Variants in ITGB3 observed in about 807,000 individuals in gnomAD.
The protein encoded by ITGB3 is integrin beta-3.
In ITGB3, 48 loss-of-function variants were observed where a neutral mutation model predicts 85.8. That is an observed-to-expected ratio of 0.56 (90% CI 0.44 to 0.71). The LOEUF is 0.71. ITGB3 is among the 30% of genes least tolerant of loss of function. The pLI, the probability that ITGB3 is intolerant of heterozygous loss-of-function variation, is 0.00. For synonymous variants in ITGB3, 363 were observed against 395.6 expected, an observed-to-expected ratio of 0.92 and a Z score of 0.98; for missense variants, 861 against 1,019.1, an observed-to-expected ratio of 0.84 and a Z score of 2.11.
At chr17:47,288,495 A>G (rs975507365) in intron 6 of ITGB3, among the ~76,000 whole-genome samples, 3 of 152,056 alleles carry the variant, frequency 2.0e-5, no homozygotes, top group African/African-American at 7.2e-5. Context: ...GCAGGTGTGA[A>G]CTCTTCGTCT....
chr17:47,280,107 A>G (rs927376125), intron 2 of ITGB3: 1 of 152,390 alleles, frequency 6.6e-6, no homozygotes, highest in Admixed American at 6.5e-5. Flanking sequence ...GTTAAGTCTT[A>G]TTCATTGATT....
chr17:47,283,983 C>T (rs191071888), intron 3 of ITGB3, among the ~76,000 whole-genome samples: 224 of 152,188 alleles, frequency 1.5e-3, no homozygotes, highest in African/African-American at 5.0e-3. Flanking sequence ...GTACACAAGA[C>T]CTTTAGAGGG....
chr17:47,300,344 CGCGT>C (rs1555573418), intron 11 of ITGB3, 130 bp from the exon 12 acceptor site: 30 of 689,972 alleles, frequency 4.3e-5, no homozygotes, highest in Admixed American at 6.2e-5. Flanking sequence ...GGCGCGCGCG[CGCGT>C]GTGTGTGTGT....
intron 10 of ITGB3, among the ~76,000 whole-genome samples, chr17:47,297,105 T>A (rs2065148654): frequency 6.6e-6 from 1 of 152,218 alleles, no homozygotes; most frequent in South Asian, 2.1e-4. Context: ...TAAAACTGGC[T>A]CCATCTTCTG....
chr17:47,290,062 A>G, intron 7 of ITGB3, 123 bp from the exon 8 acceptor site: 3 of 845,460 alleles, frequency 3.5e-6, no homozygotes, highest in Middle Eastern at 2.3e-4. Flanking sequence ...GGCAGTGACA[A>G]TTGAAATATC....
intron 1 of ITGB3, among the ~76,000 whole-genome samples, chr17:47,268,500 A>C (rs1026102488): frequency 1.1e-4 from 17 of 152,214 alleles, no homozygotes; most frequent in African/African-American, 4.1e-4. Context: ...AAATTGGCCA[A>C]AACAAACAGG....
intron 1 of ITGB3, among the ~76,000 whole-genome samples, chr17:47,254,229 G>C (rs955810910): frequency 2.6e-5 from 4 of 152,018 alleles, no homozygotes; most frequent in South Asian, 2.1e-4. Context: ...TGCGGTGGGC[G>C]CATCTCTGAG....
intron 13 of ITGB3, among the ~76,000 whole-genome samples, chr17:47,306,926 C>T (rs1193987471): frequency 8.5e-5 from 13 of 152,182 alleles, no homozygotes; most frequent in African/African-American, 3.1e-4. Flanking sequence ...GTGCTCTGCC[C>T]ACCTTGGCCT....
chr17:47,290,851 C>T, intron 8 of ITGB3, 103 bp from the exon 9 acceptor site: 2 of 1,379,688 alleles, frequency 1.4e-6, no homozygotes, highest in Non-Finnish European at 1.0e-6. Flanking sequence ...TGGGGTGAGT[C>T]CAGAGCTACT....
Position 47,300,342 on chromosome 17 carries a change from C to CGT in ITGB3, c.1914-135_1914-134insTG, listed in dbSNP as rs748298784. 9.4e-4 allele frequency: 652 copies of CGT among 696,848 alleles called. No homozygotes were observed. The African/African-American group carries it at 0.012, about 12-fold the overall frequency. The allele number at this position is 696,848 out of a possible 1,614,324, so 43.2% of individuals were successfully genotyped here. Reference sequence around the variant, plus strand: ...CCCAGGATTGTCTTACAGGCGCGCGCGCGCGTGTGTGTGTGTGTGTGTGTG... The same window carrying CGT: ...CCCAGGATTGTCTTACAGGCGCGCGCGTGCGCGTGTGTGTGTGTGTGTGTGTG... On this transcript the variant is annotated intron_variant, in intron 11 of 14. Transcript: ENST00000559488.
In ITGB3 at chr17:47,300,564, C is replaced by CA. The variant is rs1348401845; in HGVS notation, c.2001dup (p.Val668SerfsTer5). The CA allele has an allele frequency of 1.2e-6, 2 of 1,613,660 alleles. No individual in the cohort carries two copies. The highest frequency in any genetic ancestry group is 3.3e-5 in the Admixed American group (2 of 60,012). Reference sequence around the variant, plus strand: ...CGTTACTGCCGTGACGAGATTGAGTCAGTGAAAGAGCTTAGTAAGTTCAGC... The same window carrying CA: ...CGTTACTGCCGTGACGAGATTGAGTCAAGTGAAAGAGCTTAGTAAGTTCAGC... On this transcript the variant is annotated frameshift_variant, in exon 12 of 15. Coordinates refer to ENST00000559488, the MANE Select transcript of ITGB3 (RefSeq NM_000212.3). LOFTEE classifies it high-confidence loss of function.
At position 47,253,959 on chromosome 17, in the gene ITGB3, C is replaced by G; in HGVS notation, c.79+19C>G. 7.2e-7 allele frequency: 1 copy of G among 1,391,502 alleles called. No individual in the cohort carries two copies. The allele number at this position is 1,391,502 out of a possible 1,614,324, so 86.2% of individuals were successfully genotyped here. Reference sequence around the variant, plus strand: ...GTAGGAGGTGAGTGAGGCTCCGGCTCGGCAGCGTCGCAGCTGCCCCAGGAT... The same window carrying G: ...GTAGGAGGTGAGTGAGGCTCCGGCTGGGCAGCGTCGCAGCTGCCCCAGGAT... On this transcript the variant is annotated intron_variant, in intron 1 of 14. Transcript: ENST00000559488.
chr17:47,256,186 T>C, intron 1 of ITGB3, among the ~76,000 whole-genome samples: 1 of 152,076 alleles, frequency 6.6e-6, no homozygotes, highest in Non-Finnish European at 1.5e-5. Context: ...AGATATCTGG[T>C]CAGGCACGGT....
chr17:47,297,575 G>T (rs1015080523), intron 10 of ITGB3, among the ~76,000 whole-genome samples: 1 of 152,036 alleles, frequency 6.6e-6, no homozygotes, highest in African/African-American at 2.4e-5. Flanking sequence ...AGAATCGCTT[G>T]AACACGGGAG....
rs1158836570 is a variant in ITGB3, at chr17:47,286,934, T to C, written c.778-136T>C. ...CAGCTTCGGTTCCAAGGACTGGGACTGAGACCCTTGTTTTGAAGAAAAATA... is the reference window on the plus strand; with the variant it reads ...CAGCTTCGGTTCCAAGGACTGGGACCGAGACCCTTGTTTTGAAGAAAAATA... On this transcript the variant is annotated intron_variant, in intron 5 of 14. Transcript: ENST00000559488. The C allele has an allele frequency of 3.7e-6, 3 of 816,460 alleles. No homozygotes were observed. The African/African-American group carries it at 5.1e-5, about 14-fold the overall frequency. The allele number at this position is 816,460 out of a possible 1,614,324, so 50.6% of individuals were successfully genotyped here.
intron 2 of ITGB3, among the ~76,000 whole-genome samples, chr17:47,275,981 G>A (rs929946106): frequency 1.2e-4 from 19 of 152,236 alleles, no homozygotes; most frequent in Non-Finnish European, 2.2e-4. Flanking sequence ...TCCTCCCATC[G>A]TGATATTACT....
intron 1 of ITGB3, among the ~76,000 whole-genome samples, chr17:47,266,336 G>C (rs934640992): frequency 2.2e-4 from 33 of 152,142 alleles, no homozygotes; most frequent in African/African-American, 8.0e-4. Context: ...CATTAGGGTG[G>C]CCTGTTCCTA....
At chr17:47,265,861 A>T (rs1309085053) in intron 1 of ITGB3, among the ~76,000 whole-genome samples, 1 of 152,190 alleles carries the variant, frequency 6.6e-6, no homozygotes. Flanking sequence ...ATTTGATGAA[A>T]TATGGTGCCT....
intron 13 of ITGB3, chr17:47,305,795 G>A (rs909767499): frequency 6.6e-6 from 1 of 152,190 alleles, no homozygotes; most frequent in African/African-American, 2.4e-5. Flanking sequence ...AATACTTACA[G>A]TGGCTAAGGA....
Sources: gnomAD v4.1 joint callset for allele counts (sites outside exome capture counted in the v4.1 genomes callset) on GRCh38, gnomAD v4.1.1 for gene constraint, MANE v1.5 for transcripts, NCBI Gene and HGNC (gene_info 2026-07-23, HGNC 2026-07-21) for gene names.